The following TSNAXIP1 variants were observed in gnomAD, a reference collection of about 807,000 sequenced individuals.
TSNAXIP1 encodes translin-associated factor X-interacting protein 1.
A neutral mutation model predicts 84.8 loss-of-function variants in TSNAXIP1; 89 were observed. The observed-to-expected ratio is 1.05, with a 90% CI of 0.88 to 1.25. The LOEUF (loss-of-function observed/expected upper bound fraction) is 1.25, where lower values mean the gene tolerates loss of function less well. Ranked by LOEUF, TSNAXIP1 falls within the 50% of genes most tolerant of loss-of-function variation. TSNAXIP1 has a pLI of 0.00. For missense variants in TSNAXIP1, 874 were observed against 887.6 expected (o/e 0.98, Z 0.20); for synonymous variants, 347 against 335.2 (o/e 1.04, Z -0.39).
At chr16:67,816,110 C>T (rs959671542) in intron 2 of TSNAXIP1, among the ~76,000 whole-genome samples, 7 of 151,372 alleles carry the variant, frequency 4.6e-5, no homozygotes, top group South Asian at 4.2e-4. Flanking sequence ...CTGGGACAGA[C>T]GCCCGCCAAC....
chr16:67,823,613 CT>C lies in TSNAXIP1; in HGVS notation c.388-9del. 1 of 1,612,302 alleles carries C rather than the reference CT, an allele frequency of 6.2e-7. No homozygotes were observed. Among genetic ancestry groups the C allele is most frequent in the Non-Finnish European group, 8.5e-7 (1 of 1,178,580 alleles). ...TGTGGGCTAGGAGATGATGGGTTCC[CT>C]TTTCTTGCCAGCCTTACAGAGAGAT... On this transcript the variant is annotated splice_polypyrimidine_tract_variant and intron_variant, in intron 4 of 15. Coordinates refer to ENST00000561639, the MANE Select transcript of TSNAXIP1 (RefSeq NM_001288990.3).
intron 2 of TSNAXIP1, among the ~76,000 whole-genome samples, chr16:67,817,103 C>T (rs2056627083): frequency 6.6e-6 from 1 of 151,778 alleles, no homozygotes; most frequent in South Asian, 2.1e-4. Context: ...GTAGCTGGGA[C>T]TACAGGCACG....
chr16:67,825,395 G>A, intron 7 of TSNAXIP1, 123 bp downstream of exon 7: 1 of 1,382,068 alleles, frequency 7.2e-7, no homozygotes, highest in Non-Finnish European at 9.9e-7. Flanking sequence ...CATTCAGAGG[G>A]GAGATGTCCC....
chr16:67,821,689 C>A (rs2057069652), intron 4 of TSNAXIP1, among the ~76,000 whole-genome samples: 1 of 150,820 alleles, frequency 6.6e-6, no homozygotes, highest in South Asian at 2.1e-4. Flanking sequence ...CATGAAACAT[C>A]CCATGAAAAT....
Position 67,827,492 on chromosome 16 carries a change from A to G in TSNAXIP1, c.1811A>G (p.Glu604Gly). Residue 604 changes from glutamate (E) to glycine (G), a missense_variant, in exon 15 of 16, where the codon GAG (glutamate) becomes GGG (glycine). By Grantham distance (98) the Glu-to-Gly change is moderately conservative. Coordinates refer to ENST00000561639, the MANE Select transcript of TSNAXIP1 (RefSeq NM_001288990.3). ...LFMEDEEGQS[E>G]PFVQKLWEQY... Reference sequence around the variant, plus strand: ...TCCCAGGATGAGGAGGGCCAGAGTGAGCCCTTTGTGCAAAAACTCTGGGAA... The same window carrying G: ...TCCCAGGATGAGGAGGGCCAGAGTGGGCCCTTTGTGCAAAAACTCTGGGAA... 3 of 1,614,220 alleles carry G rather than the reference A, an allele frequency of 1.9e-6. No individual in the cohort carries two copies. The highest frequency in any genetic ancestry group is 1.3e-5 in the African/African-American group (1 of 75,066).
intron 1 of TSNAXIP1, among the ~76,000 whole-genome samples, chr16:67,811,891 T>TA (rs1479328002): frequency 2.0e-5 from 3 of 152,168 alleles, no homozygotes; most frequent in African/African-American, 7.2e-5. Context: ...GCTTAATCCA[T>TA]ATGTTTTGCT....
intron 5 of TSNAXIP1, 43 bp from the exon 6 acceptor site, chr16:67,824,540 T>C (rs918612736): frequency 4.4e-6 from 7 of 1,593,386 alleles, no homozygotes; most frequent in Non-Finnish European, 6.0e-6. Flanking sequence ...GGCTGTTTGT[T>C]CTCCATGGCC....
At chr16:67,818,086 G>A (rs1387358155) in intron 2 of TSNAXIP1, among the ~76,000 whole-genome samples, 1 of 151,314 alleles carries the variant, frequency 6.6e-6, no homozygotes, top group Non-Finnish European at 1.5e-5. Context: ...GCATGCGCCT[G>A]TAATTCCGGC....
Position 67,827,300 on chromosome 16 carries a change from G to A in TSNAXIP1, c.1716G>A (p.Glu572=). 2 of 1,614,234 alleles carry A rather than the reference G, an allele frequency of 1.2e-6. No individual in the cohort carries two copies. Among genetic ancestry groups the A allele is most frequent in the African/African-American group, 2.7e-5 (2 of 75,066 alleles). Residue 572 remains glutamate (E), a synonymous_variant, in exon 14 of 16, where the codon GAG becomes GAA. Transcript: ENST00000561639. The part of the protein sequence containing the change: ...FPLKTEEQIQ[E]LMEAGGWHPS... ...TCAAGACAGAAGAGCAAATCCAGGAGCTGATGGAGGCAGGGGGCTGGCATC... is the reference window on the plus strand; with the variant it reads ...TCAAGACAGAAGAGCAAATCCAGGAACTGATGGAGGCAGGGGGCTGGCATC...
rs1489046855 is a variant in TSNAXIP1, at chr16:67,807,057, G to A, written c.-93G>A. 16 of 1,491,222 alleles carry A rather than the reference G, an allele frequency of 1.1e-5. No individual in the cohort carries two copies. The highest frequency in any genetic ancestry group is 2.8e-5 in the African/African-American group (2 of 70,836). The allele number at this position is 1,491,222 out of a possible 1,614,324, so 92.4% of individuals were successfully genotyped here. ...TCCCTGACTCCGCCCCCGCCGCGGG[G>A]GGGCCTCTGGGGCCTGGTCGCCATG... On this transcript the variant is annotated 5_prime_UTR_variant, in exon 1 of 16. Transcript: ENST00000561639.
intron 1 of TSNAXIP1, chr16:67,807,487 C>A: frequency 1.8e-6 from 2 of 1,090,086 alleles, no homozygotes; most frequent in Non-Finnish European, 2.4e-6. Context: ...ATTTTTGAGA[C>A]AAGATCTCGT....
intron 11 of TSNAXIP1, 45 bp downstream of exon 11, chr16:67,826,607 C>T: frequency 6.2e-7 from 1 of 1,613,338 alleles, no homozygotes; most frequent in South Asian, 1.1e-5. Context: ...TCTTCAGATC[C>T]AGAGTCCTCT....
At chr16:67,820,767 A>T in intron 2 of TSNAXIP1, 72 bp from the exon 3 acceptor site, 1 of 1,122,128 alleles carries the variant, frequency 8.9e-7, no homozygotes, top group Admixed American at 2.5e-5. Context: ...GGACTGGGGG[A>T]GGAGAGATGG....
chr16:67,824,254 A>G (rs2057280851), intron 5 of TSNAXIP1, among the ~76,000 whole-genome samples: 1 of 152,112 alleles, frequency 6.6e-6, no homozygotes, highest in Admixed American at 6.6e-5. Flanking sequence ...CCCTGTTGAA[A>G]ATGGAGTGAA....
At chr16:67,817,695 C>G (rs1010775657) in intron 2 of TSNAXIP1, among the ~76,000 whole-genome samples, 8 of 149,384 alleles carry the variant, frequency 5.4e-5, no homozygotes, top group Middle Eastern at 3.5e-3. Flanking sequence ...GGTTCAAGAC[C>G]ACCCTGGGCA....
intron 4 of TSNAXIP1, among the ~76,000 whole-genome samples, chr16:67,822,684 T>A (rs1190113860): frequency 1.3e-5 from 2 of 152,174 alleles, no homozygotes; most frequent in African/African-American, 4.8e-5. Flanking sequence ...GCCTTTTGAC[T>A]TAGTCATTGA....
chr16:67,825,241 G>C lies in TSNAXIP1; in HGVS notation c.783G>C (p.Gln261His). 1.2e-6 allele frequency: 2 copies of C among 1,614,200 alleles called. No individual in the cohort carries two copies. Among genetic ancestry groups the C allele is most frequent in the South Asian group, 2.2e-5 (2 of 91,092 alleles). The change falls in exon 7 of 16, where the codon CAG (glutamine) becomes CAC (histidine). Residue 261 changes from glutamine to histidine, a missense_variant. Transcript: ENST00000561639. ...CAGACCTGAATGAGCTGCGGTACCA[G>C]CGGGAGGACATGTCATTAGCCCAGT... ...LIADLNELRY[Q>H]REDMSLAQSP...
chr16:67,810,003 A>G (rs2055902116), intron 1 of TSNAXIP1, among the ~76,000 whole-genome samples: 1 of 152,076 alleles, frequency 6.6e-6, no homozygotes, highest in African/African-American at 2.4e-5. Flanking sequence ...TTAATCTACC[A>G]TATTCCTTAT....
chr16:67,823,839 A>G, intron 5 of TSNAXIP1, 120 bp downstream of exon 5: 1 of 748,628 alleles, frequency 1.3e-6, no homozygotes, highest in Non-Finnish European at 2.2e-6. Flanking sequence ...CAACATGGTG[A>G]AACCCTGTCT....
Sources: gnomAD v4.1 joint callset for allele counts (sites outside exome capture counted in the v4.1 genomes callset) on GRCh38, gnomAD v4.1.1 for gene constraint, MANE v1.5 for transcripts, NCBI Gene and HGNC (gene_info 2026-07-23, HGNC 2026-07-21) for gene names.